CADM1: variants seen among roughly 807,000 people sequenced by gnomAD.
CADM1 encodes cell adhesion molecule 1.
A neutral mutation model predicts 53.1 loss-of-function variants in CADM1; 15 were observed. That is an observed-to-expected ratio of 0.28 (90% CI 0.19 to 0.44). CADM1 has a LOEUF of 0.44. Ranked by LOEUF, CADM1 falls within the 20% of genes least tolerant of loss-of-function variation. CADM1 has a pLI of 1.00. For missense variants in CADM1, 434 were observed against 611.3 expected (o/e 0.71, Z 3.06); for synonymous variants, 281 against 243.0 (o/e 1.16, Z -1.45).
At chr11:115,502,951 C>A (rs558849021) in intron 1 of CADM1, among the ~76,000 whole-genome samples, 84 of 152,302 alleles carry the variant, frequency 5.5e-4, no homozygotes, top group African/African-American at 1.9e-3. Context: ...CGGCGTCCTC[C>A]GCCACTTGTT....
At chr11:115,337,293 G>C (rs929944563) in intron 1 of CADM1, among the ~76,000 whole-genome samples, 2 of 152,144 alleles carry the variant, frequency 1.3e-5, no homozygotes, top group Non-Finnish European at 2.9e-5. Flanking sequence ...AATTTGATAG[G>C]TTGTAGACAT....
At chr11:115,409,204 A>G (rs1179166483) in intron 1 of CADM1, among the ~76,000 whole-genome samples, 3 of 152,236 alleles carry the variant, frequency 2.0e-5, no homozygotes, top group Non-Finnish European at 4.4e-5. Context: ...AGAATATAAT[A>G]AAGCACAACT....
intron 1 of CADM1, among the ~76,000 whole-genome samples, chr11:115,338,428 T>G (rs558623333): frequency 6.6e-6 from 1 of 152,272 alleles, no homozygotes; most frequent in Admixed American, 6.5e-5. Flanking sequence ...ATGTCTCAAA[T>G]TTTAGAGAAA....
chr11:115,223,698 T>C (rs1209542648), intron 5 of CADM1, among the ~76,000 whole-genome samples: 1 of 152,164 alleles, frequency 6.6e-6, no homozygotes, highest in African/African-American at 2.4e-5. Context: ...TACTGGTTAC[T>C]CAGCCTCTTG....
chr11:115,349,329 A>G (rs761815250), intron 1 of CADM1, among the ~76,000 whole-genome samples: 3 of 152,234 alleles, frequency 2.0e-5, no homozygotes, highest in Non-Finnish European at 4.4e-5. Context: ...GATTCTCTTC[A>G]ATAAAGCTTT....
chr11:115,255,007 G>A (rs761665863), intron 1 of CADM1, among the ~76,000 whole-genome samples: 2 of 152,142 alleles, frequency 1.3e-5, no homozygotes, highest in Non-Finnish European at 2.9e-5. Context: ...TTAAGAGACT[G>A]CCACAGAGTG....
chr11:115,423,485 CA>C lies in CADM1; in HGVS notation c.124+80785del, dbSNP rs1947812186. On this transcript the variant is annotated intron_variant, in intron 1 of 11. Coordinates refer to ENST00000331581, the MANE Select transcript of CADM1 (RefSeq NM_001301043.2). ...GACAGAGAAAGCTGCAAAGAGGGCA[CA>C]TAATTTACATTAATACATTATAAGC... Among the ~76,000 whole-genome samples the C allele has an allele frequency of 3.9e-5, 6 of 152,178 alleles. No homozygotes were observed. In the South Asian group the frequency reaches 1.2e-3, roughly 32 times the overall value.
In CADM1 at chr11:115,175,863, ATTGT is replaced by A. The variant is rs1939003154; in HGVS notation, c.*607_*610del. The A allele has an allele frequency of 2.0e-6, 2 of 994,272 alleles. No homozygotes were observed. Among genetic ancestry groups the A allele is most frequent in the Non-Finnish European group, 2.4e-6 (2 of 835,044 alleles). 61.6% of individuals were successfully genotyped at this position (994,272 alleles called of 1,614,324 possible). A position where few individuals can be genotyped will look rare whatever the true frequency, so the allele number is the denominator to read the frequency against. ...ACATGGGCAGCAGCAAAGAGTTTTC[ATTGT>A]TTGTTCACCCAAATCTTTACGACAA... On this transcript the variant is annotated 3_prime_UTR_variant, in exon 12 of 12. Coordinates refer to ENST00000331581, the MANE Select transcript of CADM1 (RefSeq NM_001301043.2).
At chr11:115,289,593 C>CTTTTTTTTTTTT (rs56766047) in intron 1 of CADM1, among the ~76,000 whole-genome samples, 7 of 109,032 alleles carry the variant, frequency 6.4e-5, no homozygotes, top group Non-Finnish European at 1.3e-4. Context: ...CTTTTTTTTT[C>CTTTTTTTTTTTT]TTTTTTTTTT....
chr11:115,199,530 G>T (rs1464850971), intron 8 of CADM1, among the ~76,000 whole-genome samples: 1 of 152,104 alleles, frequency 6.6e-6, no homozygotes, highest in Non-Finnish European at 1.5e-5. Flanking sequence ...AGGAGCTCAA[G>T]GAATTTTCTC....
intron 6 of CADM1, 106 bp from the exon 7 acceptor site, chr11:115,214,886 ATTTT>A: frequency 8.8e-7 from 1 of 1,137,796 alleles, no homozygotes. Flanking sequence ...TACTGGAGAT[ATTTT>A]AAGTTCACAG....
intron 1 of CADM1, among the ~76,000 whole-genome samples, chr11:115,376,273 G>A (rs998935636): frequency 9.9e-5 from 15 of 152,156 alleles, no homozygotes; most frequent in Middle Eastern, 3.4e-3. Context: ...CATAATGCCT[G>A]GCAAACAATA....
chr11:115,179,055 C>T (rs537390209), intron 10 of CADM1: 17 of 436,954 alleles, frequency 3.9e-5, no homozygotes, highest in East Asian at 1.5e-4. Context: ...ATAGTCTATC[C>T]GGCCCTGACC....
intron 1 of CADM1, among the ~76,000 whole-genome samples, chr11:115,493,393 C>T (rs140967965): frequency 2.3e-4 from 35 of 152,016 alleles, no homozygotes; most frequent in African/African-American, 4.6e-4. Flanking sequence ...TTTATAACCA[C>T]GGACATAATA....
chr11:115,291,930 GA>G (rs1399281921), intron 1 of CADM1, among the ~76,000 whole-genome samples: 1 of 152,182 alleles, frequency 6.6e-6, no homozygotes, highest in Admixed American at 6.5e-5. Context: ...AGAGATTGCA[GA>G]GCAGCCTTTC....
intron 1 of CADM1, among the ~76,000 whole-genome samples, chr11:115,344,936 T>C (rs1695421786): frequency 2.0e-5 from 3 of 152,326 alleles, no homozygotes; most frequent in Non-Finnish European, 4.4e-5. Flanking sequence ...GGCTTGAATC[T>C]TCCTTTCCAA....
chr11:115,413,189 A>T (rs184291513), intron 1 of CADM1, among the ~76,000 whole-genome samples: 83 of 152,318 alleles, frequency 5.4e-4, no homozygotes, highest in Non-Finnish European at 8.8e-4. Context: ...AAATGGTTAG[A>T]AGACCTAAAC....
At chr11:115,225,313 AGG>A (rs34306219) in intron 5 of CADM1, among the ~76,000 whole-genome samples, 1 of 148,930 alleles carries the variant, frequency 6.7e-6, no homozygotes, top group Non-Finnish European at 1.5e-5. Context: ...ATAATAAAAA[AGG>A]GGGGGGGACT....
At chr11:115,288,929 TC>T (rs1943802446) in intron 1 of CADM1, among the ~76,000 whole-genome samples, 1 of 152,122 alleles carries the variant, frequency 6.6e-6, no homozygotes, top group Non-Finnish European at 1.5e-5. Context: ...AGCCTCAATT[TC>T]AGCTGCCCTC....
Sources: allele counts gnomAD v4.1 joint callset (sites outside exome capture counted in the v4.1 genomes callset), GRCh38; gene constraint gnomAD v4.1.1; transcripts MANE v1.5; gene names NCBI Gene and HGNC (gene_info 2026-07-23, HGNC 2026-07-21).